Variants in WASHC2A observed in about 807,000 individuals in gnomAD.
WASHC2A encodes WASH complex subunit 2A, also known as WASH complex subunit FAM21A.
In WASHC2A, 82 loss-of-function variants were observed where a neutral mutation model predicts 140.3. The observed-to-expected ratio is 0.58, with a 90% confidence interval of 0.49 to 0.70. The LOEUF (loss-of-function observed/expected upper bound fraction) is 0.70, where lower values mean the gene tolerates loss of function less well. Among genes scored for constraint, WASHC2A ranks in the 30% least tolerant of loss-of-function variants. The pLI, the probability that WASHC2A is intolerant of heterozygous loss-of-function variation, is 0.00. For missense variants in WASHC2A, 985 were observed against 1,521.8 expected (o/e 0.65, Z 5.87); for synonymous variants, 340 against 560.8 (o/e 0.61, Z 5.56).
Position 50,084,108 on chromosome 10 carries a change from G to A in WASHC2A, c.565G>A (p.Gly189Arg). 1 of 1,611,662 alleles carries A rather than the reference G, an allele frequency of 6.2e-7. No individual in the cohort carries two copies. The highest frequency in any genetic ancestry group is 8.5e-7 in the Non-Finnish European group (1 of 1,179,834). The change falls in exon 6 of 31, where the codon GGG (glycine) becomes AGG (arginine). Residue 189 changes from glycine to arginine, a missense_variant. Coordinates refer to ENST00000282633, the MANE Select transcript of WASHC2A (RefSeq NM_001005751.3). ...TGATCGTCCTTTACCATATCTCATTGGGTCAAAGCTGTTCATGGAACAAGA... is the reference window on the plus strand; with the variant it reads ...TGATCGTCCTTTACCATATCTCATTAGGTCAAAGCTGTTCATGGAACAAGA... ...YIDRPLPYLI[G>R]SKLFMEQEDV...
chr10:50,103,445 A>G (rs1841426953), intron 17 of WASHC2A, among the ~76,000 whole-genome samples: 1 of 152,100 alleles, frequency 6.6e-6, no homozygotes, highest in African/African-American at 2.4e-5. Flanking sequence ...CTGTAGTCTC[A>G]GCTACTCAGG....
chr10:50,126,673 C>T (rs1179898819), intron 26 of WASHC2A, among the ~76,000 whole-genome samples: 1 of 152,062 alleles, frequency 6.6e-6, no homozygotes, highest in Non-Finnish European at 1.5e-5. Context: ...GTTCCACGTG[C>T]AGGTGTCCCA....
At position 50,091,470 on chromosome 10, in the gene WASHC2A, G is replaced by T; in HGVS notation, c.883G>T (p.Ala295Ser). The change falls in exon 10 of 31, where the codon GCC (alanine) becomes TCC (serine). Residue 295 changes from alanine (A) to serine (S), a missense_variant. Transcript: ENST00000282633. ...RPTSFADELAARIKGDAVGRV... is the reference protein window; with the variant it reads ...RPTSFADELASRIKGDAVGRV... The stretch of plus-strand genomic sequence containing the variant: ...TACATCGTTTGCAGATGAGCTGGCT[G>T]CCCGCATCAAGGGGGATGCCGTGGG... 2 of 1,550,840 alleles carry T rather than the reference G, an allele frequency of 1.3e-6. No homozygotes were observed. The highest frequency in any genetic ancestry group is 2.4e-5 in the South Asian group (2 of 84,056).
chr10:50,091,965 G>A (rs568741239), intron 10 of WASHC2A, among the ~76,000 whole-genome samples, 197 bp from the exon 11 acceptor site: 1 of 145,030 alleles, frequency 6.9e-6, no homozygotes. Flanking sequence ...AAAGCAGAAG[G>A]CTTCTGCCTT....
At position 50,087,320 on chromosome 10, in the gene WASHC2A, C is replaced by T. The variant is rs782282301; in HGVS notation, c.730C>T (p.Arg244Trp). 2.4e-5 allele frequency: 38 copies of T among 1,613,888 alleles called. 1 individual carries two copies. The highest frequency in any genetic ancestry group is 2.3e-4 in the South Asian group (21 of 91,068). ...CCATCATAGTGACAATGAACAAAAC[C>T]GGGTAAGGCTCATATATTGAAATGA... is the stretch of plus-strand genomic sequence containing the variant. ...FAHHSDNEQN[R>W]HTTQMSDEEE... is the part of the protein sequence containing the mutation. The change falls in exon 8 of 31, where the codon CGG becomes TGG. Residue 244 changes from arginine (R) to tryptophan (W), a missense_variant and splice_region_variant. Transcript: ENST00000282633.
At chr10:50,092,410 C>A (rs1410339365) in intron 11 of WASHC2A, among the ~76,000 whole-genome samples, 177 bp downstream of exon 11, 1 of 152,184 alleles carries the variant, frequency 6.6e-6, no homozygotes, top group Admixed American at 6.5e-5. Context: ...GTAATCCCAG[C>A]GCTTTGGGAG....
At chr10:50,087,404 T>C (rs1839481881) in intron 8 of WASHC2A, 82 bp downstream of exon 8, 1 of 1,583,746 alleles carries the variant, frequency 6.3e-7, no homozygotes, top group Non-Finnish European at 8.6e-7. Flanking sequence ...TTTGGAATGA[T>C]TTATGACCAA....
intron 20 of WASHC2A, among the ~76,000 whole-genome samples, chr10:50,110,766 G>A (rs1479852198): frequency 4.0e-5 from 6 of 151,740 alleles, no homozygotes; most frequent in East Asian, 1.9e-4. Context: ...GGTGGCACGC[G>A]CCTGTAGTCC....
At chr10:50,091,878 A>G (rs1839962180) in intron 10 of WASHC2A, among the ~76,000 whole-genome samples, 1 of 152,174 alleles carries the variant, frequency 6.6e-6, no homozygotes, top group African/African-American at 2.4e-5. Context: ...AGCATATTCT[A>G]GTTATAACAG....
intron 7 of WASHC2A, among the ~76,000 whole-genome samples, chr10:50,086,338 C>T (rs1246594306): frequency 2.6e-5 from 4 of 151,368 alleles, no homozygotes; most frequent in Middle Eastern, 3.4e-3. Flanking sequence ...TTAGGGGAAT[C>T]CCTTGCTTTT....
chr10:50,128,986 A>C (rs1463091243), intron 28 of WASHC2A, among the ~76,000 whole-genome samples: 1 of 151,866 alleles, frequency 6.6e-6, no homozygotes, highest in Non-Finnish European at 1.5e-5. Flanking sequence ...CTGAATTTAG[A>C]CTAGCCCCCT....
intron 3 of WASHC2A, among the ~76,000 whole-genome samples, chr10:50,071,334 C>G (rs1554876159): frequency 6.8e-6 from 1 of 147,256 alleles, no homozygotes; most frequent in Non-Finnish European, 1.5e-5. Context: ...GAGATGGAGT[C>G]TCACTCTGTC....
At chr10:50,100,966 C>A (rs1348079801) in intron 17 of WASHC2A, among the ~76,000 whole-genome samples, 2 of 152,312 alleles carry the variant, frequency 1.3e-5, no homozygotes, top group East Asian at 1.9e-4. Context: ...AAGTAATAAG[C>A]CCCTTTTACA....
chr10:50,090,742 C>T (rs1429324713), intron 8 of WASHC2A, 34 bp from the exon 9 acceptor site: 1 of 1,578,692 alleles, frequency 6.3e-7, no homozygotes, highest in Non-Finnish European at 8.6e-7. Context: ...AGCTTAATAA[C>T]TAGTAGTTCT....
Position 50,129,525 on chromosome 10 carries a change from C to T in WASHC2A, c.3194C>T (p.Pro1065Leu), listed in dbSNP as rs764306558. The T allele has an allele frequency of 1.1e-5, 17 of 1,611,842 alleles. No individual in the cohort carries two copies. Among genetic ancestry groups the T allele is most frequent in the Non-Finnish European group, 1.4e-5 (17 of 1,179,858 alleles). The change falls in exon 29 of 31, where the codon CCC becomes CTC. Residue 1065 changes from proline to leucine, a missense_variant. Transcript: ENST00000282633. ...GAGGACATGAGCGTCCCCAGAGGAC[C>T]CATTGCACAGTGGGCTGATGGCGCC... ...ETEDMSVPRGPIAQWADGAIS... is the reference protein window; with the variant it reads ...ETEDMSVPRGLIAQWADGAIS...
intron 3 of WASHC2A, among the ~76,000 whole-genome samples, chr10:50,072,241 C>T (rs1433761945): frequency 2.7e-5 from 4 of 149,706 alleles, no homozygotes; most frequent in East Asian, 2.0e-4. Context: ...CGAGCCACTG[C>T]GCTCGGCCCT....
chr10:50,106,306 C>T (rs1841774621), intron 18 of WASHC2A, 28 bp from the exon 19 acceptor site: 2 of 1,609,574 alleles, frequency 1.2e-6, no homozygotes, highest in African/African-American at 1.3e-5. Context: ...ATAAAGTTGT[C>T]TTACCTTTCT....
At chr10:50,085,909 T>C (rs1392494279) in intron 7 of WASHC2A, among the ~76,000 whole-genome samples, 1 of 152,058 alleles carries the variant, frequency 6.6e-6, no homozygotes, top group African/African-American at 2.4e-5. Flanking sequence ...CTTTGAATAA[T>C]TCTAAGGGAA....
At chr10:50,129,176 GA>G (rs1374842381) in intron 28 of WASHC2A, among the ~76,000 whole-genome samples, 1 of 152,140 alleles carries the variant, frequency 6.6e-6, no homozygotes, top group Admixed American at 6.5e-5. Context: ...AAACTGCCCT[GA>G]GAAGATTAAA....
Sources: gnomAD v4.1 joint callset for allele counts (sites outside exome capture counted in the v4.1 genomes callset) on GRCh38, gnomAD v4.1.1 for gene constraint, MANE v1.5 for transcripts, NCBI Gene and HGNC (gene_info 2026-07-23, HGNC 2026-07-21) for gene names.